Variants in PMS1 observed in about 807,000 individuals in gnomAD.
PMS1 encodes PMS1 homolog 1, mismatch repair system component.
In PMS1, 79 loss-of-function variants were observed where a neutral mutation model predicts 93.1. The ratio of observed to expected loss-of-function variants is 0.85; its 90% CI spans 0.71 to 1.02. The LOEUF is 1.02. Ranked by LOEUF, PMS1 falls within the 50% of genes least tolerant of loss-of-function variation. PMS1 has a pLI of 0.00. For missense variants in PMS1, 1,064 were observed against 1,085.3 expected (o/e 0.98, Z 0.28); for synonymous variants, 335 against 363.4 (o/e 0.92, Z 0.89).
chr2:189,849,486 A>G (rs1004607536), intron 6 of PMS1, among the ~76,000 whole-genome samples: 2 of 152,266 alleles, frequency 1.3e-5, no homozygotes, highest in Admixed American at 6.5e-5. Flanking sequence ...CATGTTACAT[A>G]TACTAATAAT....
chr2:189,806,735 A>G, intron 4 of PMS1: 1 of 198,308 alleles, frequency 5.0e-6, no homozygotes, highest in Non-Finnish European at 1.0e-5. Flanking sequence ...ATTTACTTAT[A>G]AAGGTAAAAA....
At position 189,853,103 on chromosome 2, in the gene PMS1, A is replaced by G. The variant is rs148195888; in HGVS notation, c.822+326A>G. On this transcript the variant is annotated intron_variant, in intron 7 of 12. Transcript: ENST00000441310. ...GTTTCGCTCTCCAGGCTGGATTGCA[A>G]TGGCGTGTCCCGTGATCTTGGCTCA... Among the ~76,000 whole-genome samples the G allele has an allele frequency of 5.1e-3, 778 of 151,972 alleles. 8 individuals are homozygous for G. Among genetic ancestry groups the G allele is most frequent in the African/African-American group, 0.018 (731 of 41,432 alleles).
chr2:189,838,048 G>A (rs1418665256), intron 5 of PMS1, among the ~76,000 whole-genome samples: 1 of 152,126 alleles, frequency 6.6e-6, no homozygotes, highest in Non-Finnish European at 1.5e-5. Flanking sequence ...TTTCTTTTTG[G>A]ACTGATAAAA....
chr2:189,854,167 C>G, intron 8 of PMS1, 72 bp from the exon 9 acceptor site: 2 of 1,384,408 alleles, frequency 1.4e-6, no homozygotes, highest in South Asian at 1.4e-5. Context: ...TTATATTTAT[C>G]TTTTTTATTA....
intron 5 of PMS1, among the ~76,000 whole-genome samples, chr2:189,827,606 T>C (rs190583904): frequency 6.6e-6 from 1 of 151,786 alleles, no homozygotes; most frequent in Non-Finnish European, 1.5e-5. Flanking sequence ...AAATGATGAA[T>C]GGATAAAGAA....
rs1045139164 is a variant in PMS1, at chr2:189,863,147, C to T, written c.1857-596C>T. 5.3e-5 allele frequency among the ~76,000 whole-genome samples: 8 copies of T among 152,026 alleles called. 1 individual carries two copies. Among genetic ancestry groups the T allele is most frequent in the Admixed American group, 5.2e-4 (8 of 15,268 alleles). On this transcript the variant is annotated intron_variant, in intron 9 of 12. Coordinates refer to ENST00000441310, the MANE Select transcript of PMS1 (RefSeq NM_000534.5). ...AGGAGTGAATCCATTCTAATTTCTT[C>T]CTGCTTTTGGCTGTTCTTCAGTGCC...
intron 9 of PMS1, among the ~76,000 whole-genome samples, chr2:189,862,717 A>G (rs151176794): frequency 6.6e-6 from 1 of 152,076 alleles, no homozygotes; most frequent in African/African-American, 2.4e-5. Flanking sequence ...TTGTTCTTGG[A>G]CCCAGGGCAA....
chr2:189,861,964 A>C (rs548706041), intron 9 of PMS1, among the ~76,000 whole-genome samples: 4 of 150,964 alleles, frequency 2.6e-5, no homozygotes, highest in African/African-American at 9.8e-5. Flanking sequence ...CCTACCTGTA[A>C]ATTTCTTTGC....
intron 5 of PMS1, among the ~76,000 whole-genome samples, chr2:189,822,822 T>A (rs1308871109): frequency 6.6e-6 from 1 of 152,228 alleles, no homozygotes; most frequent in Non-Finnish European, 1.5e-5. Context: ...TGAAGAAAAC[T>A]ACATGTGTCT....
At chr2:189,861,923 C>T (rs1007238695) in intron 9 of PMS1, among the ~76,000 whole-genome samples, 26 of 151,786 alleles carry the variant, frequency 1.7e-4, no homozygotes, top group Non-Finnish European at 2.6e-4. Flanking sequence ...ATATACCTAC[C>T]TGTATATTAG....
At chr2:189,828,173 C>T (rs1419352977) in intron 5 of PMS1, among the ~76,000 whole-genome samples, 1 of 152,164 alleles carries the variant, frequency 6.6e-6, no homozygotes, top group Admixed American at 6.5e-5. Context: ...ATCTGCCCAC[C>T]TTGGCCTCCC....
chr2:189,790,208 G>A (rs2048725849), intron 1 of PMS1, among the ~76,000 whole-genome samples: 1 of 152,168 alleles, frequency 6.6e-6, no homozygotes, highest in Non-Finnish European at 1.5e-5. Flanking sequence ...AAGGAGCTCA[G>A]TGATTGAAAA....
At chr2:189,837,194 T>G (rs1181542116) in intron 5 of PMS1, among the ~76,000 whole-genome samples, 1 of 149,834 alleles carries the variant, frequency 6.7e-6, no homozygotes, top group South Asian at 2.1e-4. Flanking sequence ...AGGGAGGGGG[T>G]CTTGCTCTGT....
At chr2:189,802,485 T>A (rs997187097) in intron 3 of PMS1, among the ~76,000 whole-genome samples, 1 of 152,214 alleles carries the variant, frequency 6.6e-6, no homozygotes, top group African/African-American at 2.4e-5. Context: ...TCTTGCTGTC[T>A]CTGGTGGCAG....
intron 9 of PMS1, among the ~76,000 whole-genome samples, chr2:189,862,880 T>C (rs1303400408): frequency 1.3e-5 from 2 of 152,218 alleles, no homozygotes; most frequent in Non-Finnish European, 2.9e-5. Context: ...AAATCTCTGT[T>C]CAGCTCATTT....
intron 2 of PMS1, among the ~76,000 whole-genome samples, chr2:189,793,749 C>T (rs1433298518): frequency 1.3e-5 from 2 of 152,166 alleles, no homozygotes; most frequent in African/African-American, 4.8e-5. Flanking sequence ...AAATTTTAGT[C>T]TCTTGACATT....
intron 4 of PMS1, among the ~76,000 whole-genome samples, chr2:189,808,898 T>G (rs1291444521): frequency 6.6e-6 from 1 of 152,208 alleles, no homozygotes. Flanking sequence ...AGTCCTATCA[T>G]TTTCTGTCAT....
chr2:189,814,836 G>A (rs1227911274), intron 4 of PMS1, among the ~76,000 whole-genome samples: 1 of 152,104 alleles, frequency 6.6e-6, no homozygotes, highest in African/African-American at 2.4e-5. Flanking sequence ...TGTGGCTGAC[G>A]CCTGTAATCC....
Position 189,854,462 on chromosome 2 carries a change from A to T in PMS1, c.1190A>T (p.Asp397Val). The part of the protein sequence containing the change: ...VIPFQNDMHN[D>V]ESGKNTDDCL... The stretch of plus-strand genomic sequence containing the variant: ...CCATTCCAAAATGATATGCATAATG[A>T]TGAATCTGGAAAAAACACTGATGAT... The change falls in exon 9 of 13, where the codon GAT becomes GTT. Residue 397 changes from aspartate to valine, a missense_variant. By Grantham distance (152) the Asp-to-Val change is radical. Transcript: ENST00000441310. 6.2e-7 allele frequency: 1 copy of T among 1,613,304 alleles called. No individual in the cohort carries two copies. Among genetic ancestry groups the T allele is most frequent in the Non-Finnish European group, 8.5e-7 (1 of 1,179,398 alleles).
Sources: allele counts gnomAD v4.1 joint callset (sites outside exome capture counted in the v4.1 genomes callset), GRCh38; gene constraint gnomAD v4.1.1; transcripts MANE v1.5; gene names NCBI Gene and HGNC (gene_info 2026-07-23, HGNC 2026-07-21).